DCAF8: variants seen among roughly 807,000 people sequenced by gnomAD.
DCAF8 encodes the protein DDB1 and CUL4 associated factor 8, also known as DDB1- and CUL4-associated factor 8.
In DCAF8, 20 loss-of-function variants were observed where a neutral mutation model predicts 68.0. That is an observed-to-expected ratio of 0.29 (90% confidence interval 0.21 to 0.43). The LOEUF is 0.43. Ranked by LOEUF, DCAF8 falls within the 20% of genes least tolerant of loss-of-function variation. The pLI, the probability that DCAF8 is intolerant of heterozygous loss-of-function variation, is 1.00. For missense variants in DCAF8, 460 were observed against 771.0 expected, an observed-to-expected ratio of 0.60 and a Z score of 4.78; for synonymous variants, 230 against 276.9, an observed-to-expected ratio of 0.83 and a Z score of 1.68.
chr1:160,239,106 G>C (rs1655998008), intron 4 of DCAF8: 1 of 977,492 alleles, frequency 1.0e-6, no homozygotes. Context: ...AAAGAAAAAG[G>C]AAAATAGGGG....
chr1:160,216,438 C>G lies in DCAF8; in HGVS notation c.*1154G>C, dbSNP rs1439737279. On this transcript the variant is annotated 3_prime_UTR_variant, in exon 14 of 14. Coordinates refer to ENST00000368074, the MANE Select transcript of DCAF8 (RefSeq NM_015726.4). ...CTGGTTAGAAGAGCCATCCTTGGAA[C>G]CCCCTACAAGACTTAAGGAGAGGTA... 1 of 152,334 alleles carries G rather than the reference C, an allele frequency of 6.6e-6. No individual in the cohort carries two copies. The highest frequency in any genetic ancestry group is 1.9e-4 in the East Asian group (1 of 5,184). The allele number at this position is 152,334 out of a possible 1,614,324, so 9.4% of individuals were successfully genotyped here.
intron 4 of DCAF8, chr1:160,239,135 G>A (rs1372550371): frequency 1.9e-6 from 2 of 1,040,832 alleles, no homozygotes; most frequent in Non-Finnish European, 2.3e-6. Context: ...GGGAAGAAAA[G>A]AGAACACCCT....
At chr1:160,242,830 TTA>T (rs1383416737) in intron 3 of DCAF8, among the ~76,000 whole-genome samples, 11 of 152,216 alleles carry the variant, frequency 7.2e-5, no homozygotes, top group African/African-American at 2.7e-4. Flanking sequence ...GGCCTGCAAT[TTA>T]TAGTTTGCCA....
chr1:160,234,585 G>A (rs1408476826), intron 6 of DCAF8, among the ~76,000 whole-genome samples: 1 of 152,122 alleles, frequency 6.6e-6, no homozygotes. Context: ...GTTTCCCTCT[G>A]AACCTGATCC....
Position 160,251,505 on chromosome 1 carries a change from C to T in DCAF8, c.-26-7471G>A, listed in dbSNP as rs566211869. Among the ~76,000 whole-genome samples the T allele has an allele frequency of 8.5e-5, 13 of 152,098 alleles. No individual in the cohort carries two copies. In the South Asian group the frequency reaches 1.2e-3, roughly 15 times the overall value. ...TTCTTTTTTTTTTAAGACAGGGTCT[C>T]GCTGTTGTCCAGGCTGGAATTCAGT... On this transcript the variant is annotated intron_variant, in intron 2 of 13. Coordinates refer to ENST00000368074, the MANE Select transcript of DCAF8 (RefSeq NM_015726.4).
chr1:160,258,593 T>A (rs1216227150), intron 2 of DCAF8, among the ~76,000 whole-genome samples: 1 of 151,022 alleles, frequency 6.6e-6, no homozygotes, highest in East Asian at 1.9e-4. Flanking sequence ...TAAGACCTCA[T>A]CTCTTTAAAA....
chr1:160,238,572 G>C, intron 5 of DCAF8, 35 bp downstream of exon 5: 1 of 1,568,630 alleles, frequency 6.4e-7, no homozygotes, highest in Non-Finnish European at 8.6e-7. Context: ...CAGAGGATTT[G>C]GATTGCACAA....
chr1:160,232,518 G>A (rs1655728351), intron 6 of DCAF8, among the ~76,000 whole-genome samples: 1 of 152,078 alleles, frequency 6.6e-6, no homozygotes. Flanking sequence ...GTATGCACCT[G>A]TAATCCCAGC....
At chr1:160,244,889 A>T (rs1474376114) in intron 2 of DCAF8, among the ~76,000 whole-genome samples, 1 of 152,188 alleles carries the variant, frequency 6.6e-6, no homozygotes, top group Non-Finnish European at 1.5e-5. Context: ...GATTACAGGC[A>T]TGAGCCACCA....
intron 5 of DCAF8, 148 bp downstream of exon 5, chr1:160,238,458 TC>T: frequency 1.1e-6 from 1 of 892,692 alleles, no homozygotes; most frequent in Non-Finnish European, 1.6e-6. Flanking sequence ...CTGCTTTTGC[TC>T]CTTTCTTAAC....
At chr1:160,227,940 G>C (rs968267959) in intron 7 of DCAF8, among the ~76,000 whole-genome samples, 9 of 151,976 alleles carry the variant, frequency 5.9e-5, no homozygotes, top group African/African-American at 2.2e-4. Context: ...TGTCATCCAG[G>C]ATGGAGTGCA....
chr1:160,258,011 T>G (rs1464166756), intron 2 of DCAF8, among the ~76,000 whole-genome samples: 1 of 151,844 alleles, frequency 6.6e-6, no homozygotes, highest in Non-Finnish European at 1.5e-5. Context: ...ATTACAGCCA[T>G]GAGCCAGCCG....
At chr1:160,220,238 A>G (rs1365101502) in intron 11 of DCAF8, 2 of 152,268 alleles carry the variant, frequency 1.3e-5, no homozygotes, top group African/African-American at 2.4e-5. Context: ...TTAAAGTCCA[A>G]TGCCTGGAAT....
chr1:160,218,492 G>T, intron 12 of DCAF8, 52 bp from the exon 13 acceptor site: 1 of 1,358,328 alleles, frequency 7.4e-7, no homozygotes, highest in Non-Finnish European at 1.1e-6. Context: ...AGGAACCCGG[G>T]ACCTGATCAA....
rs1282356902 is a variant in DCAF8 at position 160,256,109 on chromosome 1, C to A, written c.-27+5176G>T. 3.3e-5 allele frequency among the ~76,000 whole-genome samples: 5 copies of A among 149,462 alleles called. No individual in the cohort carries two copies. In the South Asian group the frequency reaches 6.4e-4, roughly 19 times the overall value. The stretch of plus-strand genomic sequence containing the variant: ...CTCAAGCAGTCCTCCCAACTCAGCC[C>A]CCCGAGTAGTTGGGATTACAGGTAC... On this transcript the variant is annotated intron_variant, in intron 2 of 13. Coordinates refer to ENST00000368074, the MANE Select transcript of DCAF8 (RefSeq NM_015726.4).
intron 2 of DCAF8, among the ~76,000 whole-genome samples, chr1:160,249,868 T>C (rs530895534): frequency 2.0e-5 from 3 of 152,332 alleles, no homozygotes; most frequent in South Asian, 2.1e-4. Flanking sequence ...AAGTATGTTA[T>C]GGTAAGTGCA....
intron 7 of DCAF8, among the ~76,000 whole-genome samples, chr1:160,230,724 G>A (rs968233327): frequency 6.6e-6 from 1 of 152,108 alleles, no homozygotes; most frequent in African/African-American, 2.4e-5. Context: ...TAGCTGCCAC[G>A]TGAGGACCTT....
chr1:160,245,175 G>C (rs1656269618), intron 2 of DCAF8, among the ~76,000 whole-genome samples: 1 of 152,108 alleles, frequency 6.6e-6, no homozygotes, highest in African/African-American at 2.4e-5. Flanking sequence ...CCTTAACAAG[G>C]AATCAGGGTA....
At chr1:160,234,155 C>G (rs1655789162) in intron 6 of DCAF8, among the ~76,000 whole-genome samples, 1 of 151,780 alleles carries the variant, frequency 6.6e-6, no homozygotes, top group African/African-American at 2.4e-5. Flanking sequence ...AAAAGAAAAT[C>G]CCCCTTATGC....
Sources: allele counts gnomAD v4.1 joint callset (sites outside exome capture counted in the v4.1 genomes callset), GRCh38; gene constraint gnomAD v4.1.1; transcripts MANE v1.5; gene names NCBI Gene and HGNC (gene_info 2026-07-23, HGNC 2026-07-21).